Variants in KCTD9 observed in about 807,000 individuals in gnomAD.
KCTD9 encodes potassium channel tetramerization domain containing 9, also known as BTB/POZ domain-containing protein KCTD9.
Under a neutral mutation model 53.3 loss-of-function variants are expected in KCTD9, and 17 were observed. The observed-to-expected ratio is 0.32, with a 90% CI of 0.22 to 0.48. The LOEUF is 0.48. KCTD9 is among the 20% of genes least tolerant of loss of function. KCTD9 has a pLI of 0.99. For missense variants in KCTD9, 179 were observed against 465.5 expected (o/e 0.38, Z 5.66); for synonymous variants, 128 against 162.7 (o/e 0.79, Z 1.62).
chr8:25,455,199 T>C lies in KCTD9; in HGVS notation c.48+3000A>G, dbSNP rs556882012. Among the ~76,000 whole-genome samples the C allele has an allele frequency of 3.2e-3, 482 of 151,924 alleles. 2 individuals carry two copies. Among genetic ancestry groups the C allele is most frequent in the Non-Finnish European group, 4.7e-3 (318 of 68,000 alleles). ...GAGATCACGCCACTTCACTCCAGCC[T>C]GGGTGGAAGAGCAAAACTCCGTCTC... On this transcript the variant is annotated intron_variant, in intron 1 of 11. Transcript: ENST00000221200.
chr8:25,437,354 A>C (rs1802035960), intron 6 of KCTD9, among the ~76,000 whole-genome samples: 1 of 152,180 alleles, frequency 6.6e-6, no homozygotes, highest in Non-Finnish European at 1.5e-5. Flanking sequence ...TAGGTTTAGA[A>C]TTAAACCTTT....
intron 3 of KCTD9, 36 bp from the exon 4 acceptor site, chr8:25,440,709 A>C (rs1324029456): frequency 1.4e-6 from 2 of 1,383,770 alleles, no homozygotes; most frequent in Non-Finnish European, 2.1e-6. Context: ...ACAAATATTA[A>C]GATTGGGGAT....
chr8:25,447,359 C>A (rs1432741266), intron 1 of KCTD9, among the ~76,000 whole-genome samples: 1 of 152,070 alleles, frequency 6.6e-6, no homozygotes, highest in Non-Finnish European at 1.5e-5. Flanking sequence ...TGCACTCCAG[C>A]CTTTATGACC....
rs10108541 is a variant in KCTD9, at chr8:25,441,935, T to C, written c.215-1262A>G. On this transcript the variant is annotated intron_variant, in intron 3 of 11. Transcript: ENST00000221200. ...AGGAGGATCACTTGAACCCAGGAGG[T>C]TGAAGCTGTAGTGAGCCAAGATCAT... Among the ~76,000 whole-genome samples, 740 of 152,002 alleles carry C rather than the reference T, an allele frequency of 4.9e-3. 5 individuals carry two copies. The highest frequency in any genetic ancestry group is 0.014 in the African/African-American group (595 of 41,434).
intron 1 of KCTD9, among the ~76,000 whole-genome samples, chr8:25,450,024 C>T (rs1266026374): frequency 6.6e-6 from 1 of 152,148 alleles, no homozygotes; most frequent in East Asian, 1.9e-4. Context: ...ACCACACATA[C>T]TGCTTGGCAA....
intron 1 of KCTD9, among the ~76,000 whole-genome samples, chr8:25,453,870 C>G (rs902114156): frequency 2.6e-5 from 4 of 151,954 alleles, no homozygotes; most frequent in African/African-American, 9.7e-5. Flanking sequence ...GTATTCTTTT[C>G]TATGTATCAA....
chr8:25,444,365 A>G (rs1310033051), intron 2 of KCTD9, 30 bp from the exon 3 acceptor site: 1 of 1,593,672 alleles, frequency 6.3e-7, no homozygotes, highest in Admixed American at 1.7e-5. Context: ...AAAAGCTACC[A>G]TCAAAATCTA....
chr8:25,433,267 A>T, intron 10 of KCTD9, 63 bp downstream of exon 10: 1 of 870,388 alleles, frequency 1.1e-6, no homozygotes, highest in Non-Finnish European at 1.8e-6. Flanking sequence ...ATTATTTTCC[A>T]GGGCTTTTTT....
chr8:25,451,294 T>C (rs1435705360), intron 1 of KCTD9, among the ~76,000 whole-genome samples: 1 of 152,178 alleles, frequency 6.6e-6, no homozygotes, highest in East Asian at 1.9e-4. Context: ...ACGGAGAAAG[T>C]TGCAAACAGA....
At position 25,428,657 on chromosome 8, in the gene KCTD9, A is replaced by G. The variant is rs1165371096; in HGVS notation, c.*1200T>C. ...AGAAAATTGGGCTAAAATTTGTTTA[A>G]AAAAAAAAAACCACAAAAAAATAAG... On this transcript the variant is annotated 3_prime_UTR_variant, in exon 12 of 12. Coordinates refer to ENST00000221200, the MANE Select transcript of KCTD9 (RefSeq NM_017634.4). The G allele has an allele frequency of 1.4e-5, 2 of 146,418 alleles. No individual in the cohort carries two copies. Among genetic ancestry groups the G allele is most frequent in the African/African-American group, 4.9e-5 (2 of 40,736 alleles). 9.1% of individuals were successfully genotyped at this position (146,418 alleles called of 1,614,324 possible).
chr8:25,454,277 T>C (rs1563251108), intron 1 of KCTD9, among the ~76,000 whole-genome samples: 2 of 152,240 alleles, frequency 1.3e-5, no homozygotes, highest in Non-Finnish European at 2.9e-5. Flanking sequence ...AAGTATTTCC[T>C]ACCCTGTTTG....
In KCTD9 at chr8:25,440,566, C is replaced by T. The variant is rs763924988; in HGVS notation, c.311+11G>A. 1 of 1,545,728 alleles carries T rather than the reference C, an allele frequency of 6.5e-7. No homozygotes were observed. The highest frequency in any genetic ancestry group is 8.9e-7 in the Non-Finnish European group (1 of 1,118,278). On this transcript the variant is annotated intron_variant, in intron 4 of 11. Coordinates refer to ENST00000221200, the MANE Select transcript of KCTD9 (RefSeq NM_017634.4). ...GCATTCTCTTTCTAACACACATACA[C>T]ACACACCTACCGTGTAGTTGTAAAG...
At position 25,429,044 on chromosome 8, in the gene KCTD9, T is replaced by C. The variant is rs1309704232; in HGVS notation, c.*813A>G. The stretch of plus-strand genomic sequence containing the variant: ...GTATGAGAAAACTAGGCTAATAGTG[T>C]AAATAGATAGAATTGCTTGATCTGG... On this transcript the variant is annotated 3_prime_UTR_variant, in exon 12 of 12. Transcript: ENST00000221200. 6.6e-6 allele frequency: 1 copy of C among 152,228 alleles called. No homozygotes were observed. The highest frequency in any genetic ancestry group is 2.4e-5 in the African/African-American group (1 of 41,466). The allele number at this position is 152,228 out of a possible 1,614,324, so 9.4% of individuals were successfully genotyped here.
intron 1 of KCTD9, among the ~76,000 whole-genome samples, chr8:25,448,669 C>G (rs1011791536): frequency 6.6e-6 from 1 of 152,128 alleles, no homozygotes; most frequent in Non-Finnish European, 1.5e-5. Context: ...AAAATCTGCA[C>G]TATGGGAGGC....
chr8:25,437,369 C>T (rs1005436341), intron 6 of KCTD9, among the ~76,000 whole-genome samples: 8 of 152,078 alleles, frequency 5.3e-5, no homozygotes, highest in Admixed American at 1.3e-4. Context: ...ACCTTTAAAA[C>T]ATCCAGAGAA....
chr8:25,457,346 C>A, intron 1 of KCTD9: 2 of 984,620 alleles, frequency 2.0e-6, no homozygotes, highest in Non-Finnish European at 2.4e-6. Flanking sequence ...CATTTAGCAA[C>A]GCAATAAATG....
At chr8:25,444,128 A>T (rs1802171696) in intron 3 of KCTD9, among the ~76,000 whole-genome samples, 164 bp downstream of exon 3, 4 of 152,112 alleles carry the variant, frequency 2.6e-5, no homozygotes, top group Admixed American at 2.6e-4. Flanking sequence ...ATAGTAAAAA[A>T]TTTACTTTAA....
At chr8:25,437,807 C>T (rs935558617) in intron 6 of KCTD9, among the ~76,000 whole-genome samples, 2 of 138,156 alleles carry the variant, frequency 1.4e-5, no homozygotes, top group African/African-American at 2.8e-5. Context: ...GAGATCACAC[C>T]ATTGCACTCC....
At chr8:25,445,662 A>T (rs1802202172) in intron 2 of KCTD9, among the ~76,000 whole-genome samples, 1 of 152,138 alleles carries the variant, frequency 6.6e-6, no homozygotes, top group African/African-American at 2.4e-5. Context: ...GTACAAACAT[A>T]AGCCTATAAT....
Sources: allele counts gnomAD v4.1 joint callset (sites outside exome capture counted in the v4.1 genomes callset), GRCh38; gene constraint gnomAD v4.1.1; transcripts MANE v1.5; gene names NCBI Gene and HGNC (gene_info 2026-07-23, HGNC 2026-07-21).